The following NPIPB6 variants were observed in gnomAD, a reference collection of about 807,000 sequenced individuals.
The protein encoded by NPIPB6 is nuclear pore complex-interacting protein family member B6.
In NPIPB6, 2 loss-of-function variants were observed where a neutral mutation model predicts 20.0. That is an observed-to-expected ratio of 0.10 (90% CI 0.04 to 0.31). The LOEUF is 0.31. NPIPB6 is among the 10% of genes least tolerant of loss of function. The probability of loss-of-function intolerance (pLI) is 1.00; values close to 1 mark genes in which losing one functional copy is unlikely to be tolerated. For missense variants in NPIPB6, 96 were observed against 293.7 expected (o/e 0.33, Z 4.92); for synonymous variants, 35 against 116.3 (o/e 0.30, Z 4.50).
chr16:28,356,664 G>A lies in NPIPB6; in HGVS notation c.121-3603C>T. ...CAGAGGTGGAGGTGGCTTAGGGCAG[G>A]GGGGAGGGAAGGGGACGGGGACCGG... On this transcript the variant is annotated intron_variant, in intron 1 of 6. Transcript: ENST00000532254. 4 of 352,388 alleles carry A rather than the reference G, an allele frequency of 1.1e-5. 2 individuals are homozygous for A. The highest frequency in any genetic ancestry group is 1.8e-5 in the Non-Finnish European group (4 of 218,006). 21.8% of individuals were successfully genotyped at this position (352,388 alleles called of 1,614,324 possible).
chr16:28,359,030 C>T (rs1596582365), intron 1 of NPIPB6, among the ~76,000 whole-genome samples: 1 of 111,508 alleles, frequency 9.0e-6, no homozygotes, highest in African/African-American at 3.8e-5. Context: ...TGCAGTGAGC[C>T]GAGATCGTAC....
At chr16:28,348,065 A>T (rs1403556893) in intron 4 of NPIPB6, among the ~76,000 whole-genome samples, 1 of 114,826 alleles carries the variant, frequency 8.7e-6, no homozygotes, top group East Asian at 2.3e-4. Flanking sequence ...AGCCAAGATC[A>T]TGCCACTGCA....
exon 7 of NPIPB6, chr16:28,342,778 T>A: frequency 3.8e-6 from 6 of 1,596,444 alleles, no homozygotes; most frequent in Non-Finnish European, 5.1e-6. Context: ...TCGGTGATTG[T>A]TCCACCTCAT....
chr16:28,350,153 C>A (rs2045196677), intron 2 of NPIPB6, among the ~76,000 whole-genome samples: 1 of 103,662 alleles, frequency 9.6e-6, no homozygotes, highest in South Asian at 2.9e-4. Flanking sequence ...GCCAAGATCC[C>A]ACCACTGCAC....
At chr16:28,355,707 G>C (rs1340426472) in intron 1 of NPIPB6, among the ~76,000 whole-genome samples, 2 of 129,468 alleles carry the variant, frequency 1.5e-5, no homozygotes, top group Non-Finnish European at 3.4e-5. Flanking sequence ...GCGGTGAGCT[G>C]ATATTGCCCC....
chr16:28,345,207 C>T (rs1255339334), intron 4 of NPIPB6, among the ~76,000 whole-genome samples: 8 of 102,284 alleles, frequency 7.8e-5, no homozygotes, highest in African/African-American at 2.6e-4. Flanking sequence ...AAAACAAAAA[C>T]AAAAACAAAA....
In NPIPB6 at chr16:28,349,781, A is replaced by G. The variant is rs796681454; in HGVS notation, c.304-540T>C. ...TGCATGCCTGTAGTCCCAGCTAGTC[A>G]GGAGGCTGAGGCAGGAGAATCACTT... is the stretch of plus-strand genomic sequence containing the variant. On this transcript the variant is annotated intron_variant, in intron 2 of 6. Transcript: ENST00000532254. 3.1e-3 allele frequency among the ~76,000 whole-genome samples: 304 copies of G among 98,498 alleles called. 14 individuals are homozygous for G. In the South Asian group the frequency reaches 0.033, roughly 11 times the overall value. The allele number at this position is 98,498 out of a possible 152,430, so 64.6% of individuals were successfully genotyped here.
chr16:28,350,322 A>G (rs1378864346), intron 2 of NPIPB6, among the ~76,000 whole-genome samples: 1 of 91,676 alleles, frequency 1.1e-5, no homozygotes, highest in African/African-American at 3.7e-5. Context: ...CACAACTTGA[A>G]AAGGAAGTAA....
In NPIPB6 at chr16:28,342,877, G is replaced by A. The variant is rs565167256; in HGVS notation, c.1008C>T (p.Pro336=). The stretch of plus-strand genomic sequence containing the variant: ...GAGTCTTGAGATTATCATCCACTGA[G>A]GGTGGAAGAGGAGAGGGTGGAAGCG... Residue 336 remains proline, a synonymous_variant, in exon 7 of 7, where the codon CCC becomes CCT. Transcript: ENST00000532254. 2.6e-5 allele frequency: 41 copies of A among 1,567,796 alleles called. No homozygotes were observed. The African/African-American group carries it at 4.7e-4, about 18-fold the overall frequency.
rs28515493 is a variant in NPIPB6 at position 28,348,041 on chromosome 16, T to C, written c.599+793A>G. Reference sequence around the variant, plus strand: ...ATAAGAATCACTTGAACCTGGGAGGTGGAGGTTGCAGTGAGCCAAGATCAT... The same window carrying C: ...ATAAGAATCACTTGAACCTGGGAGGCGGAGGTTGCAGTGAGCCAAGATCAT... On this transcript the variant is annotated intron_variant, in intron 4 of 6. Transcript: ENST00000532254. Among the ~76,000 whole-genome samples, 939 of 99,872 alleles carry C rather than the reference T, an allele frequency of 9.4e-3. 6 individuals are homozygous for C. The highest frequency in any genetic ancestry group is 0.015 in the African/African-American group (379 of 25,990). The allele number at this position is 99,872 out of a possible 152,430, so 65.5% of individuals were successfully genotyped here.
intron 1 of NPIPB6, among the ~76,000 whole-genome samples, chr16:28,353,470 T>G (rs2141621405): frequency 1.6e-5 from 1 of 62,802 alleles, no homozygotes; most frequent in Non-Finnish European, 3.5e-5. Context: ...CAGGCTGGAG[T>G]GCAGTGGTGC....
At chr16:28,349,877 G>C (rs1432313174) in intron 2 of NPIPB6, among the ~76,000 whole-genome samples, 1 of 36,704 alleles carries the variant, frequency 2.7e-5, no homozygotes, top group Non-Finnish European at 5.2e-5. Context: ...CAACAAAATT[G>C]AAACTCTGTC....
chr16:28,345,189 GAAAAACAAAAAC>G (rs1197236197), intron 4 of NPIPB6, among the ~76,000 whole-genome samples: 2 of 112,028 alleles, frequency 1.8e-5, no homozygotes, highest in East Asian at 4.8e-4. Context: ...CTCCATCTCA[GAAAAACAAAAAC>G]AAAAACAAAA....
At chr16:28,361,722 C>G (rs1222709011) in intron 1 of NPIPB6, among the ~76,000 whole-genome samples, 2 of 138,272 alleles carry the variant, frequency 1.4e-5, no homozygotes, top group African/African-American at 5.4e-5. Context: ...CTCTGTCTCT[C>G]TCTCTATATG....
At position 28,346,348 on chromosome 16, in the gene NPIPB6, G is replaced by A. The variant is rs1425471556; in HGVS notation, c.600-1595C>T. The A allele has an allele frequency of 5.7e-5, 43 of 757,162 alleles. 4 individuals are homozygous for A. Among genetic ancestry groups the A allele is most frequent in the South Asian group, 2.2e-4 (4 of 18,546 alleles). 46.9% of individuals were successfully genotyped at this position (757,162 alleles called of 1,614,324 possible). On this transcript the variant is annotated intron_variant, in intron 4 of 6. Transcript: ENST00000532254. ...TGATTCTCAGTCAGAGGCTGATGCC[G>A]GAACTGAGACCATCAGCCATAGAGA...
At chr16:28,354,215 A>G (rs1468610748) in intron 1 of NPIPB6, among the ~76,000 whole-genome samples, 4 of 83,766 alleles carry the variant, frequency 4.8e-5, no homozygotes, top group Admixed American at 1.4e-4. Flanking sequence ...TTGCAGTGGC[A>G]TGATCTCAGC....
intron 1 of NPIPB6, among the ~76,000 whole-genome samples, chr16:28,361,736 G>T (rs1248583154): frequency 7.7e-5 from 5 of 65,344 alleles, no homozygotes; most frequent in Non-Finnish European, 1.0e-4. Flanking sequence ...CTATATGTGT[G>T]TGTGTGTGTG....
chr16:28,346,388 A>G (rs1359615207), intron 4 of NPIPB6, among the ~76,000 whole-genome samples: 9 of 118,256 alleles, frequency 7.6e-5, no homozygotes, highest in Non-Finnish European at 1.1e-4. Context: ...CTTCCAGAAT[A>G]TGGTGTCATT....
rs1375972829 is a variant in NPIPB6 at position 28,362,683 on chromosome 16, A to C, written c.120+20T>G. On this transcript the variant is annotated intron_variant, in intron 1 of 6. Coordinates refer to ENST00000532254, the Ensembl canonical transcript of NPIPB6. Reference sequence around the variant, plus strand: ...GAACTGCTCAAGGGCACCAGGCCCCATCTGTCTGCACTCACTCACCTTCCT... The same window carrying C: ...GAACTGCTCAAGGGCACCAGGCCCCCTCTGTCTGCACTCACTCACCTTCCT... 2 of 1,537,428 alleles carry C rather than the reference A, an allele frequency of 1.3e-6. No individual in the cohort carries two copies. The highest frequency in any genetic ancestry group is 2.4e-5 in the South Asian group (2 of 84,170).
Sources: allele counts gnomAD v4.1 joint callset (sites outside exome capture counted in the v4.1 genomes callset), GRCh38; gene constraint gnomAD v4.1.1; transcripts MANE v1.5; gene names NCBI Gene and HGNC (gene_info 2026-07-23, HGNC 2026-07-21).